PLCG2: variants seen among roughly 807,000 people sequenced by gnomAD.
PLCG2 encodes phospholipase C gamma 2.
Under a neutral mutation model 175.6 loss-of-function variants are expected in PLCG2, and 69 were observed. The ratio of observed to expected loss-of-function variants is 0.39; its 90% CI spans 0.32 to 0.48. The LOEUF is 0.48. Ranked by LOEUF, PLCG2 falls within the 20% of genes least tolerant of loss-of-function variation. The probability of loss-of-function intolerance (pLI) is 0.91; values close to 1 mark genes in which losing one functional copy is unlikely to be tolerated. For synonymous variants in PLCG2, 827 were observed against 624.0 expected (o/e 1.33, Z -4.85); for missense variants, 1,798 against 1,650.9 (o/e 1.09, Z -1.54).
chr16:81,792,056 C>T (rs930631817), intron 2 of PLCG2, among the ~76,000 whole-genome samples: 2 of 152,172 alleles, frequency 1.3e-5, no homozygotes, highest in African/African-American at 2.4e-5. Context: ...GCATGCATAT[C>T]GATGGTAGGC....
chr16:81,776,626 C>A (rs1231370356), upstream of PLCG2, among the ~76,000 whole-genome samples: 2 of 152,226 alleles, frequency 1.3e-5, no homozygotes, highest in African/African-American at 4.8e-5. Context: ...ACCATCTTGG[C>A]TCACTGCAAC....
intron 21 of PLCG2, chr16:81,921,498 C>T (rs1910060688): frequency 3.6e-6 from 2 of 553,734 alleles, no homozygotes; most frequent in Non-Finnish European, 6.5e-6. Flanking sequence ...TGCTAAAATT[C>T]TGAGGTTTGA....
intron 30 of PLCG2, among the ~76,000 whole-genome samples, chr16:81,943,475 C>T (rs1276560709): frequency 1.3e-5 from 2 of 152,168 alleles, no homozygotes; most frequent in Non-Finnish European, 2.9e-5. Flanking sequence ...CCCCCATTAT[C>T]CAGTCACCTC....
chr16:81,925,885 CAA>C (rs755323945), intron 22 of PLCG2, among the ~76,000 whole-genome samples: 47 of 19,768 alleles, frequency 2.4e-3, no homozygotes, highest in African/African-American at 4.8e-3. Flanking sequence ...GACTCTGTCT[CAA>C]AAAAAAAAAA....
At chr16:81,777,843 G>A (rs541103928), upstream of PLCG2, among the ~76,000 whole-genome samples, 27 of 151,012 alleles carry the variant, frequency 1.8e-4, no homozygotes, top group East Asian at 3.7e-3. Flanking sequence ...TAGTGAAACC[G>A]CGTCTCTAGT....
At chr16:81,747,289 C>A (rs1441163718) in intron 1 of PLCG2, among the ~76,000 whole-genome samples, 3 of 152,204 alleles carry the variant, frequency 2.0e-5, no homozygotes, top group African/African-American at 4.8e-5. Flanking sequence ...AAGCCCAGCA[C>A]TTTGGGAGGC....
chr16:81,902,947 C>T (rs528809352), intron 14 of PLCG2, among the ~76,000 whole-genome samples: 49 of 152,256 alleles, frequency 3.2e-4, no homozygotes, highest in South Asian at 8.3e-4. Flanking sequence ...AAGAACAGCA[C>T]GTGAAAGGCC....
intron 2 of PLCG2, among the ~76,000 whole-genome samples, chr16:81,769,841 A>T (rs1216865835): frequency 6.9e-6 from 1 of 144,430 alleles, no homozygotes; most frequent in Non-Finnish European, 1.5e-5. Flanking sequence ...AAAAAAAAAA[A>T]AAAAAGAAAA....
chr16:81,871,577 A>G lies in PLCG2; in HGVS notation c.648+642A>G, dbSNP rs953896074. Among the ~76,000 whole-genome samples, 23 of 152,230 alleles carry G rather than the reference A, an allele frequency of 1.5e-4. No homozygotes were observed. In the East Asian group the frequency reaches 4.1e-3, roughly 27 times the overall value. ...GGTCTCGAACTTCTAACCTCAACTGATCGGCCCGCCTCCACTTCCTAAAGT... is the reference window on the plus strand; with the variant it reads ...GGTCTCGAACTTCTAACCTCAACTGGTCGGCCCGCCTCCACTTCCTAAAGT... On this transcript the variant is annotated intron_variant, in intron 7 of 32. Coordinates refer to ENST00000564138, the MANE Select transcript of PLCG2 (RefSeq NM_002661.5).
At chr16:81,897,022 G>T (rs1292492400) in intron 13 of PLCG2, among the ~76,000 whole-genome samples, 1 of 152,242 alleles carries the variant, frequency 6.6e-6, no homozygotes, top group Non-Finnish European at 1.5e-5. Flanking sequence ...TATGGGCCCT[G>T]TGGTCTCTGT....
At chr16:81,900,824 T>A (rs746972212) in intron 14 of PLCG2, 44 bp downstream of exon 14, 2 of 1,558,440 alleles carry the variant, frequency 1.3e-6, no homozygotes, top group Non-Finnish European at 8.8e-7. Context: ...GGGAGCCCAG[T>A]GGCTCGGTTC....
At chr16:81,867,297 C>T (rs190706910) in intron 5 of PLCG2, among the ~76,000 whole-genome samples, 9 of 152,336 alleles carry the variant, frequency 5.9e-5, no homozygotes, top group African/African-American at 2.2e-4. Context: ...ACCACTCTGT[C>T]TCAGCTCTGC....
At chr16:81,853,195 G>T (rs1433261059) in intron 2 of PLCG2, among the ~76,000 whole-genome samples, 1 of 152,148 alleles carries the variant, frequency 6.6e-6, no homozygotes, top group Non-Finnish European at 1.5e-5. Context: ...GCCGGGCATG[G>T]TGGCACATGC....
At chr16:81,855,192 CAAAA>C (rs35058756) in intron 3 of PLCG2, among the ~76,000 whole-genome samples, 1 of 102,950 alleles carries the variant, frequency 9.7e-6, no homozygotes, top group Non-Finnish European at 2.0e-5. Flanking sequence ...GACTCTGTCT[CAAAA>C]AAAAAAAAAA....
intron 3 of PLCG2, among the ~76,000 whole-genome samples, chr16:81,854,815 A>G (rs181157570): frequency 3.9e-5 from 6 of 152,152 alleles, no homozygotes; most frequent in East Asian, 1.9e-4. Flanking sequence ...AATAATGCCT[A>G]TTTCATGGGG....
chr16:81,955,988 T>C (rs1911551706), intron 31 of PLCG2, among the ~76,000 whole-genome samples: 1 of 152,226 alleles, frequency 6.6e-6, no homozygotes, highest in East Asian at 1.9e-4. Flanking sequence ...TGTTGTACAG[T>C]CATGGCCACA....
intron 30 of PLCG2, among the ~76,000 whole-genome samples, chr16:81,944,628 C>G (rs140864062): frequency 2.6e-5 from 4 of 152,104 alleles, no homozygotes; most frequent in African/African-American, 9.7e-5. Context: ...CTGTGCCCAG[C>G]TAAATTTTTT....
intron 1 of PLCG2, among the ~76,000 whole-genome samples, chr16:81,753,365 T>C (rs1010372177): frequency 6.0e-5 from 9 of 150,054 alleles, no homozygotes; most frequent in African/African-American, 2.2e-4. Context: ...TTTTTTTTTT[T>C]TGTATTCTGG....
chr16:81,943,286 T>TTTTG (rs1911025261), intron 30 of PLCG2, among the ~76,000 whole-genome samples: 2 of 152,198 alleles, frequency 1.3e-5, no homozygotes, highest in Non-Finnish European at 2.9e-5. Context: ...CTGTACAGGC[T>TTTTG]TTTGTTTCTG....
Sources: gnomAD v4.1 joint callset for allele counts (sites outside exome capture counted in the v4.1 genomes callset) on GRCh38, gnomAD v4.1.1 for gene constraint, MANE v1.5 for transcripts, NCBI Gene and HGNC (gene_info 2026-07-23, HGNC 2026-07-21) for gene names.